The following CACNG3 variants were observed in gnomAD, a reference collection of about 807,000 sequenced individuals.
CACNG3 encodes voltage-dependent calcium channel gamma-3 subunit.
CACNG3 carries 3 observed loss-of-function variants against 28.5 expected under a neutral mutation model. The ratio of observed to expected loss-of-function variants is 0.11; its 90% CI spans 0.05 to 0.27. The LOEUF (loss-of-function observed/expected upper bound fraction) is 0.27. Ranked by LOEUF, CACNG3 falls within the 10% of genes least tolerant of loss-of-function variation. The pLI, the probability that CACNG3 is intolerant of heterozygous loss-of-function variation, is 1.00. For missense variants in CACNG3, 236 were observed against 414.4 expected, an observed-to-expected ratio of 0.57 and a Z score of 3.74; for synonymous variants, 174 against 162.2, an observed-to-expected ratio of 1.07 and a Z score of -0.55.
chr16:24,329,037 G>A (rs1899598903), intron 1 of CACNG3, among the ~76,000 whole-genome samples: 2 of 152,292 alleles, frequency 1.3e-5, no homozygotes, highest in South Asian at 4.1e-4. Context: ...ATCTGGGGGA[G>A]GAGACACCGC....
intron 1 of CACNG3, among the ~76,000 whole-genome samples, chr16:24,283,252 G>T (rs1462811357): frequency 2.0e-5 from 3 of 152,120 alleles, no homozygotes; most frequent in Non-Finnish European, 4.4e-5. Context: ...AGGATATTGA[G>T]ATATTAATTT....
chr16:24,285,467 T>C (rs1898880493), intron 1 of CACNG3, among the ~76,000 whole-genome samples: 1 of 152,160 alleles, frequency 6.6e-6, no homozygotes, highest in Non-Finnish European at 1.5e-5. Flanking sequence ...CTGCTAAATG[T>C]GCTTCCTTTC....
intron 1 of CACNG3, among the ~76,000 whole-genome samples, chr16:24,292,260 G>C (rs1898977512): frequency 6.6e-6 from 1 of 152,192 alleles, no homozygotes; most frequent in Non-Finnish European, 1.5e-5. Flanking sequence ...TGGCGAAACA[G>C]AGTCAGCAGG....
At chr16:24,310,884 C>A (rs929383808) in intron 1 of CACNG3, among the ~76,000 whole-genome samples, 3 of 152,308 alleles carry the variant, frequency 2.0e-5, no homozygotes, top group Middle Eastern at 6.8e-3. Context: ...CTCCCCGCAT[C>A]CTTCCCTGAG....
At chr16:24,345,212 C>T (rs2189290) in intron 1 of CACNG3, among the ~76,000 whole-genome samples, 109,827 of 152,080 alleles carry the variant, frequency 0.72, 40,215 homozygotes, top group African/African-American at 0.84. Flanking sequence ...TGTCTGATTC[C>T]GAACCTTGTC....
intron 1 of CACNG3, among the ~76,000 whole-genome samples, chr16:24,327,453 TATACAC>T (rs1351213981): frequency 7.0e-5 from 8 of 114,160 alleles, no homozygotes; most frequent in African/African-American, 2.9e-4. Flanking sequence ...TATATATATA[TATACAC>T]ACACACACAC....
intron 1 of CACNG3, among the ~76,000 whole-genome samples, chr16:24,345,372 T>A (rs1269685644): frequency 6.6e-6 from 1 of 152,188 alleles, no homozygotes; most frequent in Non-Finnish European, 1.5e-5. Flanking sequence ...ACTGGTTAAC[T>A]GTCTAGTTAA....
chr16:24,348,566 G>A (rs1055984026), intron 2 of CACNG3, among the ~76,000 whole-genome samples: 2 of 152,090 alleles, frequency 1.3e-5, no homozygotes, highest in African/African-American at 4.8e-5. Flanking sequence ...GTCTCTCTGG[G>A]CCTGATAATT....
intron 1 of CACNG3, among the ~76,000 whole-genome samples, chr16:24,279,639 T>A (rs1357193431): frequency 6.6e-6 from 1 of 152,140 alleles, no homozygotes; most frequent in African/African-American, 2.4e-5. Context: ...GAGACATTAA[T>A]GCAATAATCC....
intron 3 of CACNG3, among the ~76,000 whole-genome samples, chr16:24,355,513 G>A (rs1312932602): frequency 6.6e-6 from 1 of 152,154 alleles, no homozygotes; most frequent in South Asian, 2.1e-4. Flanking sequence ...AGCCCAGGAC[G>A]TCAAGGCTGC....
At position 24,354,770 on chromosome 16, in the gene CACNG3, G is replaced by A. The variant is rs1306569056; in HGVS notation, c.296-63G>A. On this transcript the variant is annotated intron_variant, in intron 2 of 3. Transcript: ENST00000005284. ...CTTCCTCTCAGGCACTCCTGCGCTT[G>A]CAATGGGAGGACCCCAGGGGCTGGC... is the stretch of plus-strand genomic sequence containing the variant. 3.2e-6 allele frequency: 5 copies of A among 1,560,324 alleles called. No individual in the cohort carries two copies. In the African/African-American group the frequency reaches 6.8e-5, roughly 21 times the overall value.
intron 3 of CACNG3, among the ~76,000 whole-genome samples, chr16:24,358,961 A>G (rs937686285): frequency 5.3e-5 from 8 of 152,214 alleles, no homozygotes; most frequent in Admixed American, 4.6e-4. Flanking sequence ...TGTGTGGCAC[A>G]TGGTAAGCGC....
chr16:24,322,020 G>T (rs957960732), intron 1 of CACNG3, among the ~76,000 whole-genome samples: 1 of 152,142 alleles, frequency 6.6e-6, no homozygotes, highest in Non-Finnish European at 1.5e-5. Context: ...CTGTATACCC[G>T]TGTACCAGAT....
In CACNG3 at chr16:24,291,553, A is replaced by G. The variant is rs186141857; in HGVS notation, c.211+34588A>G. Among the ~76,000 whole-genome samples, 7 of 152,294 alleles carry G rather than the reference A, an allele frequency of 4.6e-5. No individual in the cohort carries two copies. The East Asian group carries it at 5.8e-4, about 13-fold the overall frequency. On this transcript the variant is annotated intron_variant, in intron 1 of 3. Coordinates refer to ENST00000005284, the MANE Select transcript of CACNG3 (RefSeq NM_006539.4). Reference sequence around the variant, plus strand: ...AGGACCTGGGGCTGAATGAAAGGCCACTTCAGGATTCTTCTTAGAAAAATT... The same window carrying G: ...AGGACCTGGGGCTGAATGAAAGGCCGCTTCAGGATTCTTCTTAGAAAAATT...
At chr16:24,277,862 G>T (rs1369310805) in intron 1 of CACNG3, among the ~76,000 whole-genome samples, 1 of 151,904 alleles carries the variant, frequency 6.6e-6, no homozygotes, top group Non-Finnish European at 1.5e-5. Context: ...ATGTATGTAT[G>T]GTATTTGTTT....
At chr16:24,307,025 C>T (rs1034432725) in intron 1 of CACNG3, among the ~76,000 whole-genome samples, 4 of 152,166 alleles carry the variant, frequency 2.6e-5, no homozygotes, top group Non-Finnish European at 4.4e-5. Flanking sequence ...AGGTCACACC[C>T]GCTTCCCAGA....
At chr16:24,340,928 C>T (rs759952598) in intron 1 of CACNG3, among the ~76,000 whole-genome samples, 7 of 152,200 alleles carry the variant, frequency 4.6e-5, no homozygotes, top group Non-Finnish European at 7.3e-5. Flanking sequence ...CCTGCTTTAG[C>T]TTCTACCTCT....
chr16:24,322,547 T>C (rs1461616628), intron 1 of CACNG3, among the ~76,000 whole-genome samples: 2 of 152,092 alleles, frequency 1.3e-5, no homozygotes, highest in Non-Finnish European at 2.9e-5. Context: ...GCTCTGTTTT[T>C]AGAAGACTTT....
At chr16:24,290,347 A>G (rs1192394810) in intron 1 of CACNG3, among the ~76,000 whole-genome samples, 1 of 152,206 alleles carries the variant, frequency 6.6e-6, no homozygotes, top group Non-Finnish European at 1.5e-5. Context: ...ATAAAGAACT[A>G]CATTCCTGAT....
Sources: allele counts gnomAD v4.1 joint callset (sites outside exome capture counted in the v4.1 genomes callset), GRCh38; gene constraint gnomAD v4.1.1; transcripts MANE v1.5; gene names NCBI Gene and HGNC (gene_info 2026-07-23, HGNC 2026-07-21).